Variants in METTL15 observed in about 807,000 individuals in gnomAD.
METTL15 encodes the protein 12S rRNA N(4)-cytidine methyltransferase METTL15.
A neutral mutation model predicts 38.3 loss-of-function variants in METTL15; 34 were observed. The observed-to-expected ratio is 0.89, with a 90% CI of 0.68 to 1.18. METTL15 has a LOEUF of 1.18. METTL15 is among the 50% of genes most tolerant of loss of function. The pLI is 0.00. For synonymous variants in METTL15, 162 were observed against 170.9 expected (o/e 0.95, Z 0.41); for missense variants, 438 against 498.4 (o/e 0.88, Z 1.15).
At chr11:28,254,463 G>T (rs1319942250) in intron 4 of METTL15, among the ~76,000 whole-genome samples, 2 of 152,032 alleles carry the variant, frequency 1.3e-5, no homozygotes, top group Non-Finnish European at 2.9e-5. Flanking sequence ...TGTATACTTT[G>T]CTGTGCAGAA....
chr11:28,448,019 G>T (rs1851089409), intron 6 of METTL15, among the ~76,000 whole-genome samples: 1 of 151,952 alleles, frequency 6.6e-6, no homozygotes, highest in Admixed American at 6.5e-5. Context: ...CTGTCCCCAT[G>T]CCCCTTTCTG....
At chr11:28,362,255 A>AAGGTAT (rs1850145906) in intron 5 of METTL15, among the ~76,000 whole-genome samples, 2 of 152,246 alleles carry the variant, frequency 1.3e-5, no homozygotes, top group African/African-American at 4.8e-5. Flanking sequence ...AGTAGAAGGA[A>AAGGTAT]AGGTATATCA....
At chr11:28,209,642 A>G (rs1031722209) in intron 3 of METTL15, among the ~76,000 whole-genome samples, 1 of 151,938 alleles carries the variant, frequency 6.6e-6, no homozygotes, top group Non-Finnish European at 1.5e-5. Context: ...TTTTGATCAG[A>G]CGATTTCCTC....
In METTL15 at chr11:28,493,017, G is replaced by A. The variant is rs72882093; in HGVS notation, c.*425-33461G>A. Among the ~76,000 whole-genome samples the A allele has an allele frequency of 5.4e-3, 821 of 152,170 alleles. 6 individuals carry two copies. The highest frequency in any genetic ancestry group is 0.012 in the Admixed American group (178 of 15,278). ...CAGTGGTAGATCATGAATATCCTGG[G>A]TGATTCTGGAGTCTCTGTTGTAAAC... is the stretch of plus-strand genomic sequence containing the variant. On this transcript the variant is annotated intron_variant and NMD_transcript_variant, in intron 6 of 7. Transcript: ENST00000532947.
At chr11:28,212,551 C>T in intron 4 of METTL15, among the ~76,000 whole-genome samples, 1 of 152,090 alleles carries the variant, frequency 6.6e-6, no homozygotes, top group East Asian at 1.9e-4. Context: ...TGCTCAATTC[C>T]CTTACATAAA....
chr11:28,395,201 T>C (rs1453160432), intron 5 of METTL15, among the ~76,000 whole-genome samples: 1 of 152,050 alleles, frequency 6.6e-6, no homozygotes, highest in Non-Finnish European at 1.5e-5. Context: ...CAGGATTTTT[T>C]GTCTTTTGTG....
At chr11:28,278,325 T>C (rs944050692) in intron 4 of METTL15, among the ~76,000 whole-genome samples, 4 of 152,158 alleles carry the variant, frequency 2.6e-5, no homozygotes, top group African/African-American at 9.7e-5. Flanking sequence ...AGAATAAAAT[T>C]AAATGTTAAG....
At chr11:28,242,170 A>T (rs922794167) in intron 4 of METTL15, among the ~76,000 whole-genome samples, 8 of 152,204 alleles carry the variant, frequency 5.3e-5, no homozygotes, top group African/African-American at 1.9e-4. Context: ...GAAGAAGTAT[A>T]CATATGTTTG....
At chr11:28,276,737 A>C (rs1428328581) in intron 4 of METTL15, among the ~76,000 whole-genome samples, 1 of 152,202 alleles carries the variant, frequency 6.6e-6, no homozygotes, top group Non-Finnish European at 1.5e-5. Flanking sequence ...AGACACATAG[A>C]TCAATGGAAC....
chr11:28,299,438 T>C (rs903640057), intron 6 of METTL15, among the ~76,000 whole-genome samples: 8 of 152,146 alleles, frequency 5.3e-5, no homozygotes, highest in Non-Finnish European at 8.8e-5. Context: ...TGCAGCTGTC[T>C]TTCCTTTTGC....
intron 3 of METTL15, chr11:28,145,039 A>AT (rs2081368162): frequency 2.2e-5 from 4 of 181,108 alleles, no homozygotes; most frequent in Admixed American, 1.6e-4. Context: ...ACTGTTGACT[A>AT]TTTTTTTCAG....
intron 4 of METTL15, among the ~76,000 whole-genome samples, chr11:28,277,409 T>C (rs1287668191): frequency 6.6e-6 from 1 of 152,084 alleles, no homozygotes; most frequent in Non-Finnish European, 1.5e-5. Context: ...TAAGAAAGAA[T>C]GAAATTGGCC....
At chr11:28,208,028 C>CT (rs1325285534) in intron 3 of METTL15, among the ~76,000 whole-genome samples, 2 of 152,086 alleles carry the variant, frequency 1.3e-5, no homozygotes, top group African/African-American at 4.8e-5. Context: ...TGCTAGCAGT[C>CT]TATCAATTTT....
intron 3 of METTL15, among the ~76,000 whole-genome samples, chr11:28,340,425 A>C (rs1489039672): frequency 1.3e-5 from 2 of 152,186 alleles, no homozygotes; most frequent in Non-Finnish European, 2.9e-5. Flanking sequence ...CAATCTATCC[A>C]TCTGGCAAAA....
intron 6 of METTL15, among the ~76,000 whole-genome samples, chr11:28,432,961 A>G (rs1850946073): frequency 6.7e-6 from 1 of 149,044 alleles, no homozygotes; most frequent in Non-Finnish European, 1.5e-5. Flanking sequence ...CTCTAGATAT[A>G]CAAAGGTCAT....
chr11:28,325,545 A>G (rs1458224913), intron 6 of METTL15, among the ~76,000 whole-genome samples: 1 of 152,206 alleles, frequency 6.6e-6, no homozygotes, highest in East Asian at 1.9e-4. Context: ...CCATTCATTC[A>G]TCCATTTTTT....
chr11:28,287,154 CA>C (rs759101265), intron 4 of METTL15: 20 of 85,382 alleles, frequency 2.3e-4, no homozygotes, highest in African/African-American at 7.9e-4. Flanking sequence ...GAGAGAGAGA[CA>C]ATGTGTGTGT....
chr11:28,377,392 G>A (rs969702514), intron 5 of METTL15, among the ~76,000 whole-genome samples: 21 of 151,882 alleles, frequency 1.4e-4, no homozygotes, highest in South Asian at 4.2e-4. Context: ...TTTCCTTCTC[G>A]CTTCATTTCA....
chr11:28,129,881 T>C (rs943826984), intron 3 of METTL15, among the ~76,000 whole-genome samples: 4 of 152,180 alleles, frequency 2.6e-5, no homozygotes, highest in Non-Finnish European at 4.4e-5. Flanking sequence ...ATTTATCTTA[T>C]AATTAAAGGC....
Sources: gnomAD v4.1 joint callset for allele counts (sites outside exome capture counted in the v4.1 genomes callset) on GRCh38, gnomAD v4.1.1 for gene constraint, MANE v1.5 for transcripts, NCBI Gene and HGNC (gene_info 2026-07-23, HGNC 2026-07-21) for gene names.